Variants in TAFA1 observed in about 807,000 individuals in gnomAD.
The protein encoded by TAFA1 is TAFA chemokine like family member 1.
In TAFA1, 4 loss-of-function variants were observed where a neutral mutation model predicts 18.5. The ratio of observed to expected loss-of-function variants is 0.22; its 90% confidence interval spans 0.11 to 0.49. The LOEUF is 0.49. Ranked by LOEUF, TAFA1 falls within the 20% of genes least tolerant of loss-of-function variation. The pLI is 0.98. For synonymous variants in TAFA1, 56 were observed against 55.2 expected (o/e 1.01, Z -0.06); for missense variants, 147 against 169.0 (o/e 0.87, Z 0.72).
At chr3:68,329,066 G>A (rs752275352) in intron 2 of TAFA1, among the ~76,000 whole-genome samples, 1 of 149,664 alleles carries the variant, frequency 6.7e-6, no homozygotes, top group Non-Finnish European at 1.5e-5. Context: ...GAAGTAAACA[G>A]TCTTGCTTGT....
At chr3:68,281,670 C>G (rs923658882) in intron 2 of TAFA1, among the ~76,000 whole-genome samples, 7 of 151,930 alleles carry the variant, frequency 4.6e-5, no homozygotes, top group African/African-American at 1.7e-4. Flanking sequence ...AGATTTCAGG[C>G]TGGTCTCAAA....
chr3:68,003,491 T>A (rs932991089), upstream of TAFA1, among the ~76,000 whole-genome samples: 1 of 152,202 alleles, frequency 6.6e-6, no homozygotes, highest in Non-Finnish European at 1.5e-5. Context: ...AGGTGCTTTA[T>A]AAGTGATTTG....
chr3:68,120,083 A>C (rs535510776), intron 2 of TAFA1, among the ~76,000 whole-genome samples: 14 of 152,278 alleles, frequency 9.2e-5, no homozygotes, highest in African/African-American at 3.1e-4. Flanking sequence ...AAAATACTCA[A>C]GTGGTCCTGC....
chr3:68,247,966 T>C (rs540219087), intron 2 of TAFA1, among the ~76,000 whole-genome samples: 76 of 152,364 alleles, frequency 5.0e-4, no homozygotes, highest in South Asian at 2.5e-3. Flanking sequence ...TTCCAGGCTA[T>C]GGTTTATGTT....
At chr3:68,190,093 T>G (rs530572850) in intron 2 of TAFA1, among the ~76,000 whole-genome samples, 1 of 151,968 alleles carries the variant, frequency 6.6e-6, no homozygotes, top group Non-Finnish European at 1.5e-5. Flanking sequence ...TCATGTGAAA[T>G]CAGCCTGATC....
At chr3:68,448,806 T>A (rs1045888681) in intron 3 of TAFA1, among the ~76,000 whole-genome samples, 2 of 152,178 alleles carry the variant, frequency 1.3e-5, no homozygotes, top group Non-Finnish European at 2.9e-5. Context: ...ATTTTCTCAC[T>A]GTAAAATGGG....
chr3:68,453,140 G>A (rs1285799196), intron 3 of TAFA1, among the ~76,000 whole-genome samples: 3 of 152,176 alleles, frequency 2.0e-5, no homozygotes, highest in South Asian at 2.1e-4. Flanking sequence ...AGAGTCACCC[G>A]ACTCCAGATT....
chr3:68,090,562 A>G (rs1273814578), intron 2 of TAFA1, among the ~76,000 whole-genome samples: 1 of 152,138 alleles, frequency 6.6e-6, no homozygotes, highest in Non-Finnish European at 1.5e-5. Flanking sequence ...GGAATTCTGC[A>G]TGTCTGGTGG....
chr3:68,374,201 G>C (rs985513325), intron 2 of TAFA1, among the ~76,000 whole-genome samples: 1 of 152,104 alleles, frequency 6.6e-6, no homozygotes, highest in African/African-American at 2.4e-5. Context: ...AGTCAGATGC[G>C]TGTGAGAATT....
At position 68,291,221 on chromosome 3, in the gene TAFA1, G is replaced by A. The variant is rs188780511; in HGVS notation, c.119-126059G>A. Among the ~76,000 whole-genome samples, 124 of 152,186 alleles carry A rather than the reference G, an allele frequency of 8.1e-4. 1 individual carries two copies. The highest frequency in any genetic ancestry group is 3.4e-3 in the Middle Eastern group (1 of 294). Reference sequence around the variant, plus strand: ...CTCACATTAAAGTTTCCTTTATTACGTTAATAGAATAAGAGATATTTAGAG... The same window carrying A: ...CTCACATTAAAGTTTCCTTTATTACATTAATAGAATAAGAGATATTTAGAG... On this transcript the variant is annotated intron_variant, in intron 2 of 4. Transcript: ENST00000478136.
chr3:68,113,888 GTT>G lies in TAFA1; in HGVS notation c.118+107151_118+107152del, dbSNP rs1169442128. 1.4e-4 allele frequency among the ~76,000 whole-genome samples: 8 copies of G among 57,862 alleles called. 1 individual carries two copies. The highest frequency in any genetic ancestry group is 1.8e-4 in the Non-Finnish European group (6 of 33,384). 38.0% of individuals were successfully genotyped at this position (57,862 alleles called of 152,430 possible). On this transcript the variant is annotated intron_variant, in intron 2 of 4. Transcript: ENST00000478136. ...TGACAGTGTGACAGTTTGGGGTGTA[GTT>G]TTTTTTGTTTTTTTTTTTTTTTTTT...
At chr3:68,229,846 GA>G (rs1281220850) in intron 2 of TAFA1, among the ~76,000 whole-genome samples, 2 of 152,170 alleles carry the variant, frequency 1.3e-5, no homozygotes, top group African/African-American at 4.8e-5. Flanking sequence ...CTATATAACG[GA>G]GAGATATATA....
At chr3:68,510,325 A>G (rs768657403) in intron 3 of TAFA1, among the ~76,000 whole-genome samples, 2 of 152,146 alleles carry the variant, frequency 1.3e-5, no homozygotes, top group Non-Finnish European at 2.9e-5. Flanking sequence ...AGGGAAGGGA[A>G]TGGACAGGGC....
At chr3:68,086,858 T>A (rs896209875) in intron 2 of TAFA1, among the ~76,000 whole-genome samples, 6 of 152,172 alleles carry the variant, frequency 3.9e-5, no homozygotes, top group Non-Finnish European at 7.4e-5. Flanking sequence ...CTTAAATCAT[T>A]TACAAAAAGA....
chr3:68,284,231 T>A (rs1472239817), intron 2 of TAFA1, among the ~76,000 whole-genome samples: 1 of 152,190 alleles, frequency 6.6e-6, no homozygotes, highest in African/African-American at 2.4e-5. Context: ...TTTCAATGCT[T>A]CTGAAAGTTG....
chr3:68,127,823 T>C (rs2065488180), intron 2 of TAFA1, among the ~76,000 whole-genome samples: 1 of 146,784 alleles, frequency 6.8e-6, no homozygotes, highest in Non-Finnish European at 1.5e-5. Flanking sequence ...GTGGTGGTGA[T>C]GGTGGTGGTG....
chr3:68,523,265 C>T (rs905784671), intron 3 of TAFA1, among the ~76,000 whole-genome samples: 1 of 152,138 alleles, frequency 6.6e-6, no homozygotes, highest in Non-Finnish European at 1.5e-5. Flanking sequence ...TGCTAGTCTT[C>T]CTATTTTTCC....
chr3:68,359,970 A>G (rs755495382), intron 2 of TAFA1, among the ~76,000 whole-genome samples: 2 of 152,014 alleles, frequency 1.3e-5, no homozygotes, highest in Non-Finnish European at 2.9e-5. Context: ...ATAAGATATT[A>G]TATGAAGTGG....
intron 2 of TAFA1, among the ~76,000 whole-genome samples, chr3:68,302,252 C>A (rs1004557558): frequency 6.6e-6 from 1 of 152,140 alleles, no homozygotes; most frequent in African/African-American, 2.4e-5. Context: ...GTCCAGTGAC[C>A]TCTAACTGCT....
Sources: gnomAD v4.1 joint callset for allele counts (sites outside exome capture counted in the v4.1 genomes callset) on GRCh38, gnomAD v4.1.1 for gene constraint, MANE v1.5 for transcripts, NCBI Gene and HGNC (gene_info 2026-07-23, HGNC 2026-07-21) for gene names.